The following GRID1 variants were observed in gnomAD, a reference collection of about 807,000 sequenced individuals.
The protein encoded by GRID1 is glutamate receptor ionotropic, delta-1.
GRID1 carries 28 observed loss-of-function variants against 98.0 expected under a neutral mutation model. The observed-to-expected ratio is 0.29, with a 90% confidence interval of 0.21 to 0.39. The LOEUF (loss-of-function observed/expected upper bound fraction) is 0.39, where lower values mean the gene tolerates loss of function less well. Among genes scored for constraint, GRID1 ranks in the 10% least tolerant of loss-of-function variants. The pLI is 1.00. For synonymous variants in GRID1, 553 were observed against 538.5 expected (o/e 1.03, Z -0.37); for missense variants, 1,111 against 1,340.5 (o/e 0.83, Z 2.67).
chr10:86,304,387 C>T (rs1049404688), intron 2 of GRID1, among the ~76,000 whole-genome samples: 2 of 152,240 alleles, frequency 1.3e-5, no homozygotes, highest in Admixed American at 6.5e-5. Flanking sequence ...AGCTGCCTCA[C>T]TCAGCTCCCT....
chr10:85,665,768 G>A (rs924613686), intron 12 of GRID1, among the ~76,000 whole-genome samples: 1 of 152,108 alleles, frequency 6.6e-6, no homozygotes, highest in African/African-American at 2.4e-5. Flanking sequence ...TGCCACCCCT[G>A]CAACCTAATT....
intron 2 of GRID1, among the ~76,000 whole-genome samples, chr10:86,299,841 G>T (rs748969627): frequency 1.7e-4 from 26 of 151,920 alleles, no homozygotes; most frequent in African/African-American, 6.3e-4. Flanking sequence ...CCACGTGCTG[G>T]AGTTAGTCTT....
chr10:85,959,092 T>TCAGACTGGA (rs1842232536), intron 4 of GRID1, among the ~76,000 whole-genome samples: 1 of 152,232 alleles, frequency 6.6e-6, no homozygotes, highest in Admixed American at 6.5e-5. Context: ...GAATCCTCTT[T>TCAGACTGGA]CAGACTGGAA....
intron 8 of GRID1, among the ~76,000 whole-genome samples, chr10:85,769,422 T>G (rs1252296670): frequency 2.6e-5 from 4 of 152,150 alleles, no homozygotes; most frequent in Non-Finnish European, 4.4e-5. Context: ...ATTTCTGCAT[T>G]TCCATCTGGG....
intron 5 of GRID1, among the ~76,000 whole-genome samples, chr10:85,881,646 T>C (rs1475419828): frequency 6.6e-6 from 1 of 152,142 alleles, no homozygotes; most frequent in Non-Finnish European, 1.5e-5. Context: ...AAGACTTAAA[T>C]GTTAGACCTA....
chr10:85,996,321 C>T (rs778829832), intron 4 of GRID1, among the ~76,000 whole-genome samples: 1 of 152,110 alleles, frequency 6.6e-6, no homozygotes, highest in Non-Finnish European at 1.5e-5. Context: ...TTCCAACAAG[C>T]AATTGTGAAC....
chr10:85,736,274 G>A (rs1841883023), intron 8 of GRID1, among the ~76,000 whole-genome samples: 1 of 149,394 alleles, frequency 6.7e-6, no homozygotes, highest in South Asian at 2.2e-4. Context: ...GAGAGAAGGA[G>A]GGAGGAGGGG....
chr10:85,754,971 C>T (rs1403847128), intron 8 of GRID1, among the ~76,000 whole-genome samples: 1 of 152,140 alleles, frequency 6.6e-6, no homozygotes, highest in African/African-American at 2.4e-5. Context: ...TCTTAAAGAG[C>T]TTGGGATGCT....
chr10:86,322,549 T>G (rs1177653603), intron 2 of GRID1, among the ~76,000 whole-genome samples: 1 of 151,796 alleles, frequency 6.6e-6, no homozygotes, highest in African/African-American at 2.4e-5. Context: ...CAGCTGGGAC[T>G]AGAGGCACAC....
intron 2 of GRID1, among the ~76,000 whole-genome samples, chr10:86,245,018 G>C (rs1200260137): frequency 6.6e-6 from 1 of 152,162 alleles, no homozygotes; most frequent in East Asian, 1.9e-4. Context: ...TGCTACCCAG[G>C]GTAATTAGAC....
intron 4 of GRID1, among the ~76,000 whole-genome samples, chr10:86,037,708 T>C (rs1843286417): frequency 2.0e-5 from 3 of 151,684 alleles, no homozygotes; most frequent in South Asian, 2.1e-4. Context: ...AAGAAATGGA[T>C]GCATACACCA....
intron 4 of GRID1, among the ~76,000 whole-genome samples, chr10:85,965,293 C>A (rs1352754911): frequency 6.6e-6 from 1 of 152,190 alleles, no homozygotes. Flanking sequence ...TGGGTATATA[C>A]CCAAATAATT....
chr10:86,267,103 G>A (rs907539584), intron 2 of GRID1, among the ~76,000 whole-genome samples: 2 of 152,204 alleles, frequency 1.3e-5, no homozygotes, highest in Non-Finnish European at 2.9e-5. Flanking sequence ...GCACACAGCA[G>A]ACAGCCACAA....
intron 2 of GRID1, among the ~76,000 whole-genome samples, chr10:86,251,581 C>A (rs528024925): frequency 6.6e-6 from 1 of 152,102 alleles, no homozygotes; most frequent in Non-Finnish European, 1.5e-5. Flanking sequence ...ACATCAGGCC[C>A]CTGACAGGAG....
chr10:85,892,872 C>T (rs1248158925), intron 5 of GRID1, among the ~76,000 whole-genome samples: 1 of 152,070 alleles, frequency 6.6e-6, no homozygotes, highest in Non-Finnish European at 1.5e-5. Flanking sequence ...GCCATCACTA[C>T]CCTGATAACA....
chr10:86,331,868 G>C (rs535477736), intron 2 of GRID1, among the ~76,000 whole-genome samples: 3 of 152,084 alleles, frequency 2.0e-5, no homozygotes, highest in Non-Finnish European at 4.4e-5. Context: ...TGAGCATCCA[G>C]CCGCTGTCTC....
Position 86,211,283 on chromosome 10 carries a change from T to C in GRID1, c.236-4635A>G, listed in dbSNP as rs186107711. On this transcript the variant is annotated intron_variant, in intron 2 of 15. Transcript: ENST00000327946. ...TATAATTCTTTGCCTCCATATTATA[T>C]GGTCACAAAGCTGATGTCTCTCTTG... 5.9e-5 allele frequency among the ~76,000 whole-genome samples: 9 copies of C among 152,378 alleles called. No homozygotes were observed. The East Asian group carries it at 1.5e-3, about 26-fold the overall frequency.
intron 2 of GRID1, among the ~76,000 whole-genome samples, chr10:86,263,941 G>A (rs1847061870): frequency 6.6e-6 from 1 of 152,180 alleles, no homozygotes; most frequent in Non-Finnish European, 1.5e-5. Flanking sequence ...TTTTGCAGAG[G>A]AGCAAACAGA....
intron 8 of GRID1, among the ~76,000 whole-genome samples, chr10:85,802,179 T>TTTG (rs1842582690): frequency 6.6e-6 from 1 of 152,108 alleles, no homozygotes; most frequent in Non-Finnish European, 1.5e-5. Context: ...GAAATTGTTC[T>TTTG]ATACAGCCAA....
Sources: allele counts gnomAD v4.1 joint callset (sites outside exome capture counted in the v4.1 genomes callset), GRCh38; gene constraint gnomAD v4.1.1; transcripts MANE v1.5; gene names NCBI Gene and HGNC (gene_info 2026-07-23, HGNC 2026-07-21).